HHAT: variants seen among roughly 807,000 people sequenced by gnomAD.
HHAT encodes hedgehog acyltransferase, also known as protein-cysteine N-palmitoyltransferase HHAT.
Under a neutral mutation model 70.8 loss-of-function variants are expected in HHAT, and 47 were observed. The observed-to-expected ratio is 0.66, with a 90% CI of 0.53 to 0.85. The LOEUF is 0.85. Among genes scored for constraint, HHAT ranks in the 40% least tolerant of loss-of-function variants. The pLI is 0.00. For missense variants in HHAT, 609 were observed against 604.8 expected (o/e 1.01, Z -0.07); for synonymous variants, 228 against 247.6 (o/e 0.92, Z 0.74).
intron 11 of HHAT, among the ~76,000 whole-genome samples, chr1:210,664,256 G>A (rs989776652): frequency 6.6e-6 from 1 of 152,156 alleles, no homozygotes; most frequent in Non-Finnish European, 1.5e-5. Context: ...GCAGGCTTAG[G>A]GCCATTTGAT....
intron 10 of HHAT, among the ~76,000 whole-genome samples, chr1:210,603,885 C>A (rs1348512493): frequency 6.6e-6 from 1 of 152,158 alleles, no homozygotes; most frequent in Non-Finnish European, 1.5e-5. Context: ...TGATTACTGA[C>A]ATGTATTGAA....
chr1:210,464,416 C>A, intron 7 of HHAT, 89 bp from the exon 8 acceptor site: 5 of 1,268,774 alleles, frequency 3.9e-6, no homozygotes, highest in South Asian at 2.5e-5. Flanking sequence ...AGAAGCGGGG[C>A]AGTTGGCATA....
intron 7 of HHAT, among the ~76,000 whole-genome samples, chr1:210,423,247 C>T (rs1461002959): frequency 6.6e-6 from 1 of 152,132 alleles, no homozygotes; most frequent in Non-Finnish European, 1.5e-5. Flanking sequence ...TTTTTGGCCA[C>T]TTTCATAATA....
chr1:210,387,490 G>A lies in HHAT; in HGVS notation c.182G>A (p.Ser61Asn). 1.2e-6 allele frequency: 2 copies of A among 1,614,130 alleles called. No homozygotes were observed. Among genetic ancestry groups the A allele is most frequent in the Non-Finnish European group, 1.7e-6 (2 of 1,180,000 alleles). ...LKKDATDFEW[S>N]FWMEWGKQWL... ...TAGGATGCGACCGACTTTGAGTGGA[G>A]CTTCTGGATGGAATGGGGGAAGCAG... is the stretch of plus-strand genomic sequence containing the variant. Residue 61 changes from serine to asparagine, a missense_variant, in exon 4 of 12, where the codon AGC (serine) becomes AAC (asparagine). Physicochemically the swap from Ser to Asn is conservative, Grantham distance 46. Coordinates refer to ENST00000261458, the MANE Select transcript of HHAT (RefSeq NM_018194.6).
chr1:210,520,405 T>G (rs1289879528), intron 9 of HHAT, among the ~76,000 whole-genome samples: 1 of 152,210 alleles, frequency 6.6e-6, no homozygotes, highest in Non-Finnish European at 1.5e-5. Flanking sequence ...TTGTTAATTG[T>G]TTTTCAGTGG....
At chr1:210,352,562 T>G (rs1280562437) in intron 2 of HHAT, among the ~76,000 whole-genome samples, 3 of 152,128 alleles carry the variant, frequency 2.0e-5, no homozygotes, top group Non-Finnish European at 2.9e-5. Flanking sequence ...TTCAGTGAAA[T>G]GTCTCTGGTG....
chr1:210,674,330 G>T lies in HHAT; in HGVS notation c.1433G>T (p.Cys478Phe). The T allele has an allele frequency of 6.2e-7, 1 of 1,614,148 alleles. No individual in the cohort carries two copies. Among genetic ancestry groups the T allele is most frequent in the East Asian group, 2.2e-5 (1 of 44,876 alleles). ...VTLSVLGFLY[C>F]YSHVGIAWAQ... Reference sequence around the variant, plus strand: ...CTCTCTGTCCTGGGATTCCTGTACTGCTACTCCCACGTGGGCATTGCCTGG... The same window carrying T: ...CTCTCTGTCCTGGGATTCCTGTACTTCTACTCCCACGTGGGCATTGCCTGG... The change falls in exon 12 of 12, where the codon TGC (cysteine) becomes TTC (phenylalanine). Residue 478 changes from cysteine (C) to phenylalanine (F), a missense_variant. Coordinates refer to ENST00000261458, the MANE Select transcript of HHAT (RefSeq NM_018194.6).
chr1:210,647,386 C>T (rs1277085690), intron 11 of HHAT, among the ~76,000 whole-genome samples: 1 of 152,178 alleles, frequency 6.6e-6, no homozygotes, highest in Non-Finnish European at 1.5e-5. Flanking sequence ...GGACACAATT[C>T]AACCCATAAG....
chr1:210,670,078 CTTTT>C (rs1351108934), intron 11 of HHAT, among the ~76,000 whole-genome samples: 1 of 152,146 alleles, frequency 6.6e-6, no homozygotes, highest in East Asian at 1.9e-4. Context: ...TTGACACCAA[CTTTT>C]TTTGTTAGTG....
At chr1:210,559,596 C>T (rs904671919) in intron 9 of HHAT, among the ~76,000 whole-genome samples, 11 of 152,264 alleles carry the variant, frequency 7.2e-5, no homozygotes, top group Non-Finnish European at 1.2e-4. Context: ...TTCATCTTTC[C>T]GCCATACAAT....
intron 7 of HHAT, among the ~76,000 whole-genome samples, chr1:210,461,278 G>T (rs1276777069): frequency 6.6e-6 from 1 of 152,122 alleles, no homozygotes; most frequent in African/African-American, 2.4e-5. Flanking sequence ...AGGTCAAGGG[G>T]AAAGAAGAAT....
chr1:210,447,467 G>A (rs1421796473), intron 7 of HHAT, among the ~76,000 whole-genome samples: 1 of 152,162 alleles, frequency 6.6e-6, no homozygotes, highest in Non-Finnish European at 1.5e-5. Context: ...AATTTAATTG[G>A]AGGCTTTAAT....
intron 9 of HHAT, among the ~76,000 whole-genome samples, chr1:210,565,680 C>G (rs1654556745): frequency 6.6e-6 from 1 of 152,064 alleles, no homozygotes; most frequent in Non-Finnish European, 1.5e-5. Flanking sequence ...TTTGGAGAGA[C>G]CCAAAAGCCC....
chr1:210,616,448 T>C (rs6540614), intron 10 of HHAT, among the ~76,000 whole-genome samples: 36,731 of 152,112 alleles, frequency 0.24, 5,626 homozygotes, highest in African/African-American at 0.44. Flanking sequence ...TCTCCTACTA[T>C]ACTTGTGGAT....
At chr1:210,422,095 C>T (rs2092920527) in intron 7 of HHAT, among the ~76,000 whole-genome samples, 1 of 152,092 alleles carries the variant, frequency 6.6e-6, no homozygotes, top group African/African-American at 2.4e-5. Context: ...TTATTGTGTA[C>T]ATTTGCATCA....
intron 3 of HHAT, among the ~76,000 whole-genome samples, chr1:210,379,095 C>A (rs374382487): frequency 1.3e-5 from 2 of 152,236 alleles, no homozygotes; most frequent in African/African-American, 4.8e-5. Flanking sequence ...CCACTGTACA[C>A]AACATCTGCT....
intron 9 of HHAT, among the ~76,000 whole-genome samples, chr1:210,556,252 G>T (rs2095571548): frequency 6.6e-6 from 1 of 151,892 alleles, no homozygotes; most frequent in African/African-American, 2.4e-5. Flanking sequence ...TCCCTCAAGT[G>T]GTATCTTTCC....
At chr1:210,482,282 C>A (rs546673518) in intron 8 of HHAT, among the ~76,000 whole-genome samples, 40 of 152,268 alleles carry the variant, frequency 2.6e-4, no homozygotes, top group African/African-American at 9.4e-4. Context: ...AGAACTCAGC[C>A]ACCTTTCTGG....
At chr1:210,390,597 C>G (rs1417955274) in intron 4 of HHAT, among the ~76,000 whole-genome samples, 1 of 151,998 alleles carries the variant, frequency 6.6e-6, no homozygotes, top group Non-Finnish European at 1.5e-5. Flanking sequence ...TTTAGTGTAC[C>G]TGTCACCCAA....
Sources: allele counts gnomAD v4.1 joint callset (sites outside exome capture counted in the v4.1 genomes callset), GRCh38; gene constraint gnomAD v4.1.1; transcripts MANE v1.5; gene names NCBI Gene and HGNC (gene_info 2026-07-23, HGNC 2026-07-21).